The following SEPTIN14 variants were observed in gnomAD, a reference collection of about 807,000 sequenced individuals.
SEPTIN14 encodes the protein septin-14.
SEPTIN14 carries 40 observed loss-of-function variants against 53.6 expected under a neutral mutation model. The ratio of observed to expected loss-of-function variants is 0.75; its 90% confidence interval spans 0.58 to 0.97. The LOEUF (loss-of-function observed/expected upper bound fraction) is 0.97, where lower values mean the gene tolerates loss of function less well. Ranked by LOEUF, SEPTIN14 falls within the 50% of genes least tolerant of loss-of-function variation. SEPTIN14 has a pLI of 0.00. For synonymous variants in SEPTIN14, 138 were observed against 166.8 expected (o/e 0.83, Z 1.33); for missense variants, 471 against 508.2 (o/e 0.93, Z 0.70).
intron 2 of SEPTIN14, among the ~76,000 whole-genome samples, chr7:55,854,714 T>C (rs574378448): frequency 1.8e-4 from 27 of 151,894 alleles, no homozygotes; most frequent in African/African-American, 5.1e-4. Context: ...AGGCGTGAGC[T>C]ACCACACCCG....
At chr7:55,841,739 C>T (rs1367766500) in intron 5 of SEPTIN14, among the ~76,000 whole-genome samples, 2 of 151,702 alleles carry the variant, frequency 1.3e-5, no homozygotes, top group Non-Finnish European at 2.9e-5. Context: ...CCTGTAATCT[C>T]ATCTACTCAG....
At position 55,848,124 on chromosome 7, in the gene SEPTIN14, A is replaced by C. The variant is rs191371416; in HGVS notation, c.55-1487T>G. 1.8e-4 allele frequency among the ~76,000 whole-genome samples: 27 copies of C among 152,354 alleles called. No homozygotes were observed. In the East Asian group the frequency reaches 4.8e-3, roughly 27 times the overall value. ...GTAGGAAAGATTTTAAGGTAGAAGC[A>C]TCAACAATCAGCTCAGTAGATGTTG... On this transcript the variant is annotated intron_variant, in intron 2 of 9. Transcript: ENST00000388975.
chr7:55,824,448 T>C (rs764853525), intron 6 of SEPTIN14, among the ~76,000 whole-genome samples: 4 of 152,128 alleles, frequency 2.6e-5, no homozygotes, highest in Admixed American at 6.6e-5. Context: ...GTACTACACA[T>C]TTATTAAATT....
At chr7:55,847,682 T>C (rs1379632563) in intron 2 of SEPTIN14, among the ~76,000 whole-genome samples, 1 of 152,230 alleles carries the variant, frequency 6.6e-6, no homozygotes, top group Non-Finnish European at 1.5e-5. Context: ...GGAGATCCTC[T>C]ACATATGTGA....
chr7:55,856,273 G>A (rs1789622297), intron 2 of SEPTIN14, among the ~76,000 whole-genome samples: 1 of 152,050 alleles, frequency 6.6e-6, no homozygotes, highest in African/African-American at 2.4e-5. Context: ...TGTGGTATTT[G>A]GTTTTCTGTT....
chr7:55,831,746 A>C (rs1271974589), intron 6 of SEPTIN14, among the ~76,000 whole-genome samples: 3 of 152,146 alleles, frequency 2.0e-5, no homozygotes, highest in African/African-American at 4.8e-5. Context: ...CCAGAATCTA[A>C]AAAGAACACA....
chr7:55,826,175 G>C (rs1219789882), intron 6 of SEPTIN14, among the ~76,000 whole-genome samples: 3 of 151,648 alleles, frequency 2.0e-5, no homozygotes, highest in Admixed American at 2.0e-4. Context: ...GCTTTTTGGG[G>C]GGTGAGAACA....
intron 5 of SEPTIN14, 25 bp downstream of exon 5, chr7:55,842,917 A>C: frequency 6.9e-7 from 1 of 1,439,964 alleles, no homozygotes; most frequent in South Asian, 1.4e-5. Context: ...CAAAAAAAAA[A>C]AGATGGTAGA....
In SEPTIN14 at chr7:55,851,638, A is replaced by C. The variant is rs112632055; in HGVS notation, c.55-5001T>G. On this transcript the variant is annotated intron_variant, in intron 2 of 9. Transcript: ENST00000388975. Reference sequence around the variant, plus strand: ...TGGACTGAAAGAATCAATATCATTAAAATGTTCATACCACCGAAAGCAATC... The same window carrying C: ...TGGACTGAAAGAATCAATATCATTACAATGTTCATACCACCGAAAGCAATC... 1.2e-3 allele frequency among the ~76,000 whole-genome samples: 180 copies of C among 152,278 alleles called. 2 individuals are homozygous for C. The highest frequency in any genetic ancestry group is 4.2e-3 in the African/African-American group (173 of 41,568).
Position 55,844,505 on chromosome 7 carries a change from A to T in SEPTIN14, c.371+18T>A. The T allele has an allele frequency of 2.2e-6, 3 of 1,390,746 alleles. No homozygotes were observed. Among genetic ancestry groups the T allele is most frequent in the Admixed American group, 2.3e-5 (1 of 43,324 alleles). 86.2% of individuals were successfully genotyped at this position (1,390,746 alleles called of 1,614,324 possible). A position where few individuals can be genotyped will look rare whatever the true frequency, so the allele number is the denominator to read the frequency against. On this transcript the variant is annotated intron_variant, in intron 4 of 9. Coordinates refer to ENST00000388975, the MANE Select transcript of SEPTIN14 (RefSeq NM_207366.3). ...GAAATAAGAAAACCTTTTTTAATTT[A>T]AATAAGAAAACACTCACCTGGCTTC...
intron 5 of SEPTIN14, among the ~76,000 whole-genome samples, chr7:55,840,991 C>T (rs1789301743): frequency 6.6e-6 from 1 of 152,134 alleles, no homozygotes; most frequent in African/African-American, 2.4e-5. Context: ...CCTCCGCCTC[C>T]CTGGTTCAAG....
At chr7:55,804,957 T>C (rs1419063703) in intron 9 of SEPTIN14, among the ~76,000 whole-genome samples, 3 of 152,126 alleles carry the variant, frequency 2.0e-5, no homozygotes, top group Admixed American at 2.0e-4. Context: ...CTTCTCAGAG[T>C]AAATAGCTTG....
chr7:55,846,577 G>T lies in SEPTIN14; in HGVS notation c.115C>A (p.Pro39Thr). The T allele has an allele frequency of 6.3e-7, 1 of 1,579,498 alleles. No homozygotes were observed. The highest frequency in any genetic ancestry group is 8.7e-7 in the Non-Finnish European group (1 of 1,150,620). The change falls in exon 3 of 10, where the codon CCC (proline) becomes ACC (threonine). Residue 39 changes from proline to threonine, a missense_variant. Pro to Thr is a conservative substitution (Grantham distance 38). Coordinates refer to ENST00000388975, the MANE Select transcript of SEPTIN14 (RefSeq NM_207366.3). ...TIGHFGFECLPNQLVSRSIRQ... is the reference protein window; with the variant it reads ...TIGHFGFECLTNQLVSRSIRQ... ...ATAGATCTGCTCACCAACTGATTGG[G>T]CAAACATTCAAAACCAAAATGTCCA...
At chr7:55,840,615 A>G (rs1789293040) in intron 5 of SEPTIN14, among the ~76,000 whole-genome samples, 1 of 152,140 alleles carries the variant, frequency 6.6e-6, no homozygotes, top group South Asian at 2.1e-4. Flanking sequence ...ATCTTCTGAC[A>G]CCTTGATCTT....
intron 2 of SEPTIN14, among the ~76,000 whole-genome samples, chr7:55,858,690 G>A (rs747976381): frequency 1.3e-5 from 2 of 152,214 alleles, no homozygotes; most frequent in Non-Finnish European, 2.9e-5. Context: ...TATAATCCCA[G>A]CTACTCAGGA....
In SEPTIN14 at chr7:55,793,808, C is replaced by T. The variant is rs185888717; in HGVS notation, c.*2105G>A. The T allele has an allele frequency of 1.3e-4, 19 of 151,584 alleles. No homozygotes were observed. The highest frequency in any genetic ancestry group is 4.1e-4 in the African/African-American group (17 of 41,342). The allele number at this position is 151,584 out of a possible 1,614,324, so 9.4% of individuals were successfully genotyped here. A position where few individuals can be genotyped will look rare whatever the true frequency, so the allele number is the denominator to read the frequency against. ...AAACGAAATCTACATAGAATATACACAAAAGGAAATGAGAATAGAAACAAA... is the reference window on the plus strand; with the variant it reads ...AAACGAAATCTACATAGAATATACATAAAAGGAAATGAGAATAGAAACAAA... On this transcript the variant is annotated 3_prime_UTR_variant, in exon 10 of 10. Coordinates refer to ENST00000388975, the MANE Select transcript of SEPTIN14 (RefSeq NM_207366.3).
At chr7:55,842,886 C>G in intron 5 of SEPTIN14, 56 bp downstream of exon 5, 2 of 1,190,366 alleles carry the variant, frequency 1.7e-6, no homozygotes, top group Non-Finnish European at 2.3e-6. Flanking sequence ...CCAGCCTGGG[C>G]GACAGAGGGA....
Position 55,835,185 on chromosome 7 carries a change from TTTTA to T in SEPTIN14, c.559-603_559-600del, listed in dbSNP as rs560812909. Among the ~76,000 whole-genome samples, 378 of 151,618 alleles carry T rather than the reference TTTTA, an allele frequency of 2.5e-3. 2 individuals carry two copies. The highest frequency in any genetic ancestry group is 6.8e-3 in the Middle Eastern group (2 of 294). On this transcript the variant is annotated intron_variant, in intron 5 of 9. Transcript: ENST00000388975. ...GTAAATAGTAGGACAATGTAAATTA[TTTTA>T]TTTATTTATTTATTTATTTATTTAT...
At chr7:55,812,951 A>G (rs1584254952) in intron 7 of SEPTIN14, among the ~76,000 whole-genome samples, 1 of 146,712 alleles carries the variant, frequency 6.8e-6, no homozygotes, top group African/African-American at 2.5e-5. Flanking sequence ...CCACGACAGG[A>G]GCCTTTTTTT....
Sources: allele counts gnomAD v4.1 joint callset (sites outside exome capture counted in the v4.1 genomes callset), GRCh38; gene constraint gnomAD v4.1.1; transcripts MANE v1.5; gene names NCBI Gene and HGNC (gene_info 2026-07-23, HGNC 2026-07-21).